DST: variants seen among roughly 807,000 people sequenced by gnomAD.
DST encodes dystonin.
In DST, 253 loss-of-function variants were observed where a neutral mutation model predicts 875.2. That is an observed-to-expected ratio of 0.29 (90% CI 0.26 to 0.32). The LOEUF (loss-of-function observed/expected upper bound fraction) is 0.32, where lower values mean the gene tolerates loss of function less well. DST is among the 10% of genes least tolerant of loss of function. DST has a pLI of 1.00. For missense variants in DST, 8,287 were observed against 9,111.6 expected (o/e 0.91, Z 3.68); for synonymous variants, 3,124 against 3,197.1 (o/e 0.98, Z 0.77).
chr6:56,607,319 C>A lies in DST; in HGVS notation c.7309G>T (p.Ala2437Ser), dbSNP rs1320279680. ...PIFDYSPRLS[A>S]LLSHDKLMHS... ...ATCAATTTATCATGACTTAACAAGG[C>A]ACTTAGCCTGGGGGAATAGTCAAAG... The change falls in exon 40 of 104, where the codon GCC becomes TCC. Residue 2437 changes from alanine (A) to serine (S), a missense_variant. By Grantham distance (99) the Ala-to-Ser change is moderately conservative. Transcript: ENST00000680361. 4 of 1,613,306 alleles carry A rather than the reference C, an allele frequency of 2.5e-6. No individual in the cohort carries two copies. Among genetic ancestry groups the A allele is most frequent in the Non-Finnish European group, 3.4e-6 (4 of 1,179,632 alleles).
intron 55 of DST, 65 bp downstream of exon 55, chr6:56,568,404 A>T: frequency 6.6e-7 from 1 of 1,515,840 alleles, no homozygotes; most frequent in Non-Finnish European, 8.9e-7. Flanking sequence ...AAAATAACAT[A>T]CACAAAATTG....
In DST at chr6:56,501,357, C is replaced by G. The variant is rs572902957; in HGVS notation, c.19741-122G>C. On this transcript the variant is annotated intron_variant, in intron 79 of 103. Coordinates refer to ENST00000680361, the MANE Select transcript of DST (RefSeq NM_001374736.1). Reference sequence around the variant, plus strand: ...AAGTCCATAAACGTATCCAGTGAAGCCTAATCATCATATCCTTCTATGTTT... The same window carrying G: ...AAGTCCATAAACGTATCCAGTGAAGGCTAATCATCATATCCTTCTATGTTT... The G allele has an allele frequency of 6.7e-6, 8 of 1,192,070 alleles. No homozygotes were observed. The African/African-American group carries it at 1.3e-4, about 19-fold the overall frequency. The allele number at this position is 1,192,070 out of a possible 1,614,324, so 73.8% of individuals were successfully genotyped here.
intron 2 of DST, among the ~76,000 whole-genome samples, chr6:56,909,677 C>T (rs1028321071): frequency 6.6e-6 from 1 of 152,198 alleles, no homozygotes; most frequent in Non-Finnish European, 1.5e-5. Flanking sequence ...ACTTCTGGGC[C>T]ACACCCTCGG....
rs895848785 is a variant in DST, at chr6:56,646,081, G to A, written c.1650+6C>T. The A allele has an allele frequency of 3.9e-6, 6 of 1,553,654 alleles. No homozygotes were observed. In the African/African-American group the frequency reaches 5.5e-5, roughly 14 times the overall value. ...GCTTGACAATACAAAGCAAATTTGA[G>A]CTTACCTCTAATAATTTATATAGAC... On this transcript the variant is annotated splice_donor_region_variant and intron_variant, in intron 14 of 103. Coordinates refer to ENST00000680361, the MANE Select transcript of DST (RefSeq NM_001374736.1).
At chr6:56,625,440 C>T (rs765188024) in intron 34 of DST, among the ~76,000 whole-genome samples, 176 bp from the exon 35 acceptor site, 1 of 152,062 alleles carries the variant, frequency 6.6e-6, no homozygotes, top group Non-Finnish European at 1.5e-5. Context: ...AAAATATAGT[C>T]GTGTTTCACA....
Position 56,572,117 on chromosome 6 carries a change from C to G in DST, c.13704G>C (p.Glu4568Asp). The G allele has an allele frequency of 2.0e-6, 3 of 1,503,960 alleles. No homozygotes were observed. The highest frequency in any genetic ancestry group is 2.7e-6 in the Non-Finnish European group (3 of 1,126,480). The allele number at this position is 1,503,960 out of a possible 1,614,324, so 93.2% of individuals were successfully genotyped here. A position where few individuals can be genotyped will look rare whatever the true frequency, so the allele number is the denominator to read the frequency against. Residue 4568 changes from glutamate to aspartate, a missense_variant, in exon 53 of 104, where the codon GAG (glutamate) becomes GAC (aspartate). By Grantham distance (45) the Glu-to-Asp change is conservative. This residue lies in a region of DST where 1,513 missense variants were observed against 1,677.8 expected (regional missense o/e 0.90). Coordinates refer to ENST00000680361, the MANE Select transcript of DST (RefSeq NM_001374736.1). ...NNLSKKFKEM[E>D]DTIKEKKEAV... ...GTACTTACTTTTCTTTGATGGTATC[C>G]TCCATTTCCTTGAATTTCTTTGACA...
In DST at chr6:56,492,353, A is replaced by C; in HGVS notation, c.20631T>G (p.Ser6877Arg). ...DKTGTHLKYF[S>R]QKQDVVLIKN... ...TGATTAGAACAACATCTTGTTTCTG[A>C]CTAAAATATTTTAGGTGGGTTCCAG... The change falls in exon 85 of 104, where the codon AGT becomes AGG. Residue 6877 changes from serine to arginine, a missense_variant. Physicochemically the swap from Ser to Arg is moderately radical, Grantham distance 110 (BLOSUM62 -1). This residue lies in a region of DST where 1,292 missense variants were observed against 1,552.7 expected (regional missense o/e 0.83). Transcript: ENST00000680361. 6.2e-7 allele frequency: 1 copy of C among 1,613,852 alleles called. No homozygotes were observed. The highest frequency in any genetic ancestry group is 8.5e-7 in the Non-Finnish European group (1 of 1,179,832).
chr6:56,797,250 T>C (rs925822425), intron 4 of DST, among the ~76,000 whole-genome samples: 3 of 152,162 alleles, frequency 2.0e-5, no homozygotes, highest in Non-Finnish European at 4.4e-5. Context: ...GTTCTGACTG[T>C]TCCAACAACC....
At chr6:56,938,128 A>G (rs1391479236) in intron 2 of DST, among the ~76,000 whole-genome samples, 13 of 126,796 alleles carry the variant, frequency 1.0e-4, no homozygotes, top group African/African-American at 3.6e-4. Context: ...ATATATATAT[A>G]TATGTTTAAA....
At chr6:56,614,298 A>G in intron 37 of DST, 58 bp downstream of exon 37, 1 of 1,466,970 alleles carries the variant, frequency 6.8e-7, no homozygotes, top group Non-Finnish European at 9.2e-7. Flanking sequence ...AAACTGTGTC[A>G]ACTCAGTTAA....
chr6:56,565,519 C>G (rs1271318230), intron 55 of DST, among the ~76,000 whole-genome samples: 2 of 152,130 alleles, frequency 1.3e-5, no homozygotes, highest in East Asian at 3.9e-4. Context: ...CTGTCTGGTC[C>G]TGGGCTTTTT....
At chr6:56,931,933 C>G (rs1810505372) in intron 2 of DST, among the ~76,000 whole-genome samples, 1 of 152,066 alleles carries the variant, frequency 6.6e-6, no homozygotes, top group Non-Finnish European at 1.5e-5. Flanking sequence ...CGGGTTAATG[C>G]TGAAATGAGT....
At chr6:56,663,023 C>T (rs1053226112) in intron 10 of DST, among the ~76,000 whole-genome samples, 16 of 152,134 alleles carry the variant, frequency 1.1e-4, no homozygotes, top group African/African-American at 3.9e-4. Context: ...CTTCATATTA[C>T]AGAGAATTTC....
intron 4 of DST, chr6:56,842,981 C>T (rs575376411): frequency 8.7e-5 from 112 of 1,292,156 alleles, no homozygotes; most frequent in Non-Finnish European, 9.9e-5. Context: ...AGTGGTGGCT[C>T]TGATTAAGGA....
intron 62 of DST, among the ~76,000 whole-genome samples, chr6:56,536,481 C>G (rs1292437739): frequency 6.6e-6 from 1 of 152,138 alleles, no homozygotes; most frequent in Non-Finnish European, 1.5e-5. Context: ...AAGTAGTGAC[C>G]TGTACCTTTA....
chr6:56,532,205 C>A, intron 64 of DST, 139 bp downstream of exon 64: 1 of 779,758 alleles, frequency 1.3e-6, no homozygotes, highest in South Asian at 1.9e-5. Flanking sequence ...AGAGGCACTA[C>A]AATCTTTGCT....
chr6:56,544,832 C>A (rs1562684428), intron 61 of DST, among the ~76,000 whole-genome samples: 1 of 152,060 alleles, frequency 6.6e-6, no homozygotes, highest in African/African-American at 2.4e-5. Context: ...TACTTGAAAT[C>A]ACATTCCAAA....
intron 4 of DST, among the ~76,000 whole-genome samples, chr6:56,799,581 T>G (rs2099744366): frequency 6.6e-6 from 1 of 152,018 alleles, no homozygotes; most frequent in African/African-American, 2.4e-5. Context: ...TCAGCATTTT[T>G]TTTTTTTAGC....
At chr6:56,669,620 G>C (rs1261696112) in intron 10 of DST, among the ~76,000 whole-genome samples, 1 of 151,234 alleles carries the variant, frequency 6.6e-6, no homozygotes, top group East Asian at 1.9e-4. Context: ...AGAAAAAGTA[G>C]TATATAATTT....
Sources: gnomAD v4.1 joint callset for allele counts (sites outside exome capture counted in the v4.1 genomes callset) on GRCh38, gnomAD v4.1.1 for gene constraint, gnomAD v4.1.1 regional missense constraint, MANE v1.5 for transcripts, NCBI Gene and HGNC (gene_info 2026-07-23, HGNC 2026-07-21) for gene names.